DOCK4: variants seen among roughly 807,000 people sequenced by gnomAD.
DOCK4 encodes the protein dedicator of cytokinesis 4.
Under a neutral mutation model 268.1 loss-of-function variants are expected in DOCK4, and 97 were observed. The observed-to-expected ratio is 0.36, with a 90% CI of 0.31 to 0.43. The LOEUF is 0.43. Among genes scored for constraint, DOCK4 ranks in the 20% least tolerant of loss-of-function variants. The probability of loss-of-function intolerance (pLI) is 1.00; values close to 1 mark genes in which losing one functional copy is unlikely to be tolerated. For missense variants in DOCK4, 2,145 were observed against 2,455.7 expected (o/e 0.87, Z 2.67); for synonymous variants, 954 against 887.2 (o/e 1.08, Z -1.34).
intron 5 of DOCK4, among the ~76,000 whole-genome samples, chr7:111,993,612 A>G (rs113043624): frequency 0.011 from 1,685 of 152,364 alleles, 44 homozygotes; most frequent in African/African-American, 0.036. Flanking sequence ...GATTTGCCAC[A>G]TAAGTTCCCA....
At chr7:112,202,020 T>C (rs565266766) in intron 1 of DOCK4, among the ~76,000 whole-genome samples, 1 of 152,360 alleles carries the variant, frequency 6.6e-6, no homozygotes, top group South Asian at 2.1e-4. Flanking sequence ...GACAGGATTT[T>C]CCCCTTTTTC....
chr7:112,175,699 GT>G (rs1204292806), intron 1 of DOCK4, among the ~76,000 whole-genome samples: 1 of 152,032 alleles, frequency 6.6e-6, no homozygotes, highest in Non-Finnish European at 1.5e-5. Flanking sequence ...GAATAAAAAT[GT>G]TTTTAAAATT....
At chr7:111,983,860 G>GCA (rs375791144) in intron 7 of DOCK4, among the ~76,000 whole-genome samples, 28,379 of 128,320 alleles carry the variant, frequency 0.22, 3,457 homozygotes, top group Admixed American at 0.31. Flanking sequence ...GCGCGCGCGC[G>GCA]CGCACACACA....
At chr7:111,846,908 C>A in intron 24 of DOCK4, 91 bp downstream of exon 24, 1 of 1,406,860 alleles carries the variant, frequency 7.1e-7, no homozygotes, top group East Asian at 2.4e-5. Flanking sequence ...CAGAGGCTTC[C>A]TCTTTAGTGC....
rs1562997057 is a variant in DOCK4, at chr7:112,018,160, A to AC, written c.38-14030_38-14029insG. 2.9e-5 allele frequency among the ~76,000 whole-genome samples: 4 copies of AC among 139,098 alleles called. 1 individual carries two copies. The highest frequency in any genetic ancestry group is 4.5e-4 in the East Asian group (2 of 4,436). 91.3% of individuals were successfully genotyped at this position (139,098 alleles called of 152,430 possible). ...CTCCAGCTCAAAAAAAAAAAAAAAA[A>AC]AAAAAAAAAAAAAAAAAAAACACAG... On this transcript the variant is annotated intron_variant, in intron 1 of 52. Coordinates refer to ENST00000428084, the MANE Select transcript of DOCK4 (RefSeq NM_001363540.2).
chr7:112,073,504 A>G (rs1807789582), intron 1 of DOCK4, among the ~76,000 whole-genome samples: 1 of 152,200 alleles, frequency 6.6e-6, no homozygotes, highest in African/African-American at 2.4e-5. Context: ...GTAATGTAAA[A>G]AAGGATTTCA....
At chr7:112,045,039 C>A (rs1804717389) in intron 1 of DOCK4, among the ~76,000 whole-genome samples, 2 of 152,136 alleles carry the variant, frequency 1.3e-5, no homozygotes, top group Admixed American at 6.6e-5. Flanking sequence ...CTTTTCACAG[C>A]TAATAAAGCC....
chr7:112,134,526 G>A (rs922926656), intron 1 of DOCK4, among the ~76,000 whole-genome samples: 4 of 151,670 alleles, frequency 2.6e-5, no homozygotes, highest in South Asian at 2.1e-4. Context: ...GAGACCATGC[G>A]GGCTAACATG....
rs558939898 is a variant in DOCK4 at position 111,868,264 on chromosome 7, T to C, written c.2110-110A>G. On this transcript the variant is annotated intron_variant, in intron 21 of 52. Transcript: ENST00000428084. ...TGGCATTAAACTTTTACATTATTCA[T>C]GTAGACACCAAGGCCTTGTGAGGCT... is the stretch of plus-strand genomic sequence containing the variant. 1.1e-5 allele frequency: 9 copies of C among 825,192 alleles called. 1 individual carries two copies. In the South Asian group the frequency reaches 1.9e-4, roughly 17 times the overall value. 51.1% of individuals were successfully genotyped at this position (825,192 alleles called of 1,614,324 possible).
chr7:111,764,471 GT>G (rs1797648086), intron 39 of DOCK4, among the ~76,000 whole-genome samples: 1 of 152,132 alleles, frequency 6.6e-6, no homozygotes, highest in Non-Finnish European at 1.5e-5. Flanking sequence ...TTTAAGCAAT[GT>G]TTTTGTACAA....
chr7:112,131,593 G>A lies in DOCK4; in HGVS notation c.37+74509C>T, dbSNP rs1463750769. The stretch of plus-strand genomic sequence containing the variant: ...TCAAAGATAGAGTGAATGTATGCAT[G>A]CATTGTACAATGCAGGAAACAGCTA... On this transcript the variant is annotated intron_variant, in intron 1 of 52. Coordinates refer to ENST00000428084, the MANE Select transcript of DOCK4 (RefSeq NM_001363540.2). Among the ~76,000 whole-genome samples the A allele has an allele frequency of 2.0e-5, 3 of 152,092 alleles. No individual in the cohort carries two copies. In the East Asian group the frequency reaches 5.8e-4, roughly 29 times the overall value.
intron 30 of DOCK4, chr7:111,807,721 C>A (rs538989653): frequency 5.3e-5 from 8 of 152,242 alleles, no homozygotes; most frequent in African/African-American, 1.9e-4. Flanking sequence ...AGTGATCTGC[C>A]CGCTCCAGGC....
intron 8 of DOCK4, chr7:111,971,711 T>C (rs1041569067): frequency 4.1e-5 from 13 of 313,282 alleles, no homozygotes; most frequent in African/African-American, 2.7e-4. Context: ...TCTGTACTTG[T>C]GGGCCAGCTT....
chr7:112,155,062 T>C (rs906971850), intron 1 of DOCK4, among the ~76,000 whole-genome samples: 3 of 152,212 alleles, frequency 2.0e-5, no homozygotes, highest in African/African-American at 7.2e-5. Flanking sequence ...ATGTTGTTTT[T>C]CCAATTTATT....
chr7:112,149,126 T>C (rs1815798510), intron 1 of DOCK4, among the ~76,000 whole-genome samples: 1 of 152,132 alleles, frequency 6.6e-6, no homozygotes, highest in East Asian at 1.9e-4. Flanking sequence ...AAACTCTCCA[T>C]GGAAATTTTT....
intron 1 of DOCK4, among the ~76,000 whole-genome samples, chr7:112,101,400 G>A (rs576421850): frequency 2.0e-4 from 30 of 152,322 alleles, no homozygotes; most frequent in Admixed American, 3.9e-4. Context: ...AAGAAGAAAG[G>A]CTTGATTTGT....
chr7:112,095,839 TG>T (rs1174734539), intron 1 of DOCK4, among the ~76,000 whole-genome samples: 2 of 152,286 alleles, frequency 1.3e-5, no homozygotes, highest in East Asian at 3.9e-4. Flanking sequence ...CCCAGCATTT[TG>T]GGAGGCTGAG....
chr7:111,758,594 A>T, intron 41 of DOCK4, 30 bp downstream of exon 41: 1 of 1,611,272 alleles, frequency 6.2e-7, no homozygotes, highest in Non-Finnish European at 8.5e-7. Flanking sequence ...CTATCTGAGG[A>T]GTTAGCATGT....
chr7:111,762,385 C>G (rs1047067912), intron 39 of DOCK4, among the ~76,000 whole-genome samples: 1 of 152,188 alleles, frequency 6.6e-6, no homozygotes, highest in East Asian at 1.9e-4. Flanking sequence ...TTTTTCTCTT[C>G]CTCCAGCCAG....
Sources: gnomAD v4.1 joint callset for allele counts (sites outside exome capture counted in the v4.1 genomes callset) on GRCh38, gnomAD v4.1.1 for gene constraint, MANE v1.5 for transcripts, NCBI Gene and HGNC (gene_info 2026-07-23, HGNC 2026-07-21) for gene names.